The following CNTN4 variants were observed in gnomAD, a reference collection of about 807,000 sequenced individuals.
The protein encoded by CNTN4 is contactin 4, also known as contactin-4.
In CNTN4, 77 loss-of-function variants were observed where a neutral mutation model predicts 122.5. That is an observed-to-expected ratio of 0.63 (90% CI 0.52 to 0.76). The LOEUF (loss-of-function observed/expected upper bound fraction) is 0.76, where lower values mean the gene tolerates loss of function less well. Ranked by LOEUF, CNTN4 falls within the 30% of genes least tolerant of loss-of-function variation. The pLI, the probability that CNTN4 is intolerant of heterozygous loss-of-function variation, is 0.00. For missense variants in CNTN4, 1,256 were observed against 1,259.1 expected, an observed-to-expected ratio of 1.00 and a Z score of 0.04; for synonymous variants, 512 against 447.0, an observed-to-expected ratio of 1.15 and a Z score of -1.83.
At chr3:2,981,246 C>A (rs1034983271) in intron 13 of CNTN4, among the ~76,000 whole-genome samples, 1 of 152,058 alleles carries the variant, frequency 6.6e-6, no homozygotes, top group African/African-American at 2.4e-5. Context: ...AGATCGAGAC[C>A]ATCCTGGCTA....
At chr3:2,781,776 G>C (rs1436638366) in intron 6 of CNTN4, among the ~76,000 whole-genome samples, 1 of 135,750 alleles carries the variant, frequency 7.4e-6, no homozygotes, top group Non-Finnish European at 1.5e-5. Context: ...CCAGGCTGGA[G>C]GGCAGTAGCG....
intron 3 of CNTN4, among the ~76,000 whole-genome samples, chr3:2,554,504 A>G (rs1009108689): frequency 8.5e-5 from 13 of 152,132 alleles, no homozygotes; most frequent in African/African-American, 3.1e-4. Context: ...ATTTTGTTAT[A>G]CCCAGAGAAG....
At chr3:2,198,704 C>A (rs1231250308) in intron 2 of CNTN4, among the ~76,000 whole-genome samples, 2 of 152,132 alleles carry the variant, frequency 1.3e-5, no homozygotes, top group Non-Finnish European at 2.9e-5. Flanking sequence ...ATACTCGAGA[C>A]TTAATCTGCT....
At chr3:2,933,150 A>G (rs1391037922) in intron 13 of CNTN4, among the ~76,000 whole-genome samples, 2 of 152,106 alleles carry the variant, frequency 1.3e-5, no homozygotes, top group Admixed American at 1.3e-4. Flanking sequence ...TGAGGCTGTG[A>G]TCGGCCTCAG....
rs1273033770 is a variant in CNTN4 at position 2,709,015 on chromosome 3, C to G, written c.56-27200C>G. 2.0e-5 allele frequency among the ~76,000 whole-genome samples: 3 copies of G among 152,112 alleles called. No homozygotes were observed. The highest frequency in any genetic ancestry group is 4.4e-5 in the Non-Finnish European group (3 of 68,022). ...TTTTAATGGGCGTTGCTACTTGGAT[C>G]TTCAGAATACATGATATATCTCTTC... On this transcript the variant is annotated intron_variant, in intron 4 of 24. Transcript: ENST00000418658. The surrounding 1 kb of genome is among the most constrained non-coding windows in gnomAD (Gnocchi z 5.0).
At chr3:2,127,650 A>G (rs1433872471) in intron 2 of CNTN4, among the ~76,000 whole-genome samples, 2 of 108,478 alleles carry the variant, frequency 1.8e-5, no homozygotes, top group Non-Finnish European at 4.3e-5. Context: ...CCCACCCATT[A>G]CAGAAGGATC....
At chr3:2,420,204 C>G (rs2047563429) in intron 3 of CNTN4, among the ~76,000 whole-genome samples, 1 of 152,150 alleles carries the variant, frequency 6.6e-6, no homozygotes, top group African/African-American at 2.4e-5. Flanking sequence ...TTCCTCAGCA[C>G]TTTTTCCAAA....
chr3:2,376,621 T>A (rs1471943754), intron 3 of CNTN4, among the ~76,000 whole-genome samples: 4 of 151,256 alleles, frequency 2.6e-5, no homozygotes, highest in South Asian at 2.1e-4. Flanking sequence ...CTTGAGGATT[T>A]CCCAGTTCTC....
chr3:2,398,472 T>G (rs1318502947), intron 3 of CNTN4, among the ~76,000 whole-genome samples: 1 of 152,142 alleles, frequency 6.6e-6, no homozygotes, highest in Non-Finnish European at 1.5e-5. Context: ...TATAAAAAAT[T>G]AATACTTTTC....
At chr3:2,164,688 T>G (rs957144028) in intron 2 of CNTN4, among the ~76,000 whole-genome samples, 29 of 152,308 alleles carry the variant, frequency 1.9e-4, no homozygotes, top group African/African-American at 6.5e-4. Context: ...GTTTCTCATC[T>G]GCCACAGAAA....
intron 2 of CNTN4, among the ~76,000 whole-genome samples, chr3:2,251,390 T>C (rs1011303808): frequency 5.3e-5 from 8 of 151,968 alleles, no homozygotes; most frequent in African/African-American, 1.7e-4. Context: ...TTCTAATTTT[T>C]GTGTTCTCAT....
intron 13 of CNTN4, among the ~76,000 whole-genome samples, chr3:2,927,013 C>A (rs545908558): frequency 4.6e-4 from 70 of 152,104 alleles, no homozygotes; most frequent in African/African-American, 1.7e-3. Context: ...AAATGTGGCA[C>A]GTGAGATTAC....
intron 3 of CNTN4, among the ~76,000 whole-genome samples, chr3:2,412,076 C>T (rs761363837): frequency 9.9e-5 from 15 of 152,168 alleles, no homozygotes; most frequent in East Asian, 3.9e-4. Flanking sequence ...TCCAAAAGTA[C>T]GTACTGTTTT....
intron 4 of CNTN4, among the ~76,000 whole-genome samples, chr3:2,587,506 C>A (rs911953679): frequency 1.3e-5 from 2 of 152,116 alleles, no homozygotes; most frequent in African/African-American, 4.8e-5. Context: ...TTCTTGGATA[C>A]CGTCTTTGGG....
chr3:2,252,676 T>G (rs1044169720), intron 2 of CNTN4, among the ~76,000 whole-genome samples: 2 of 152,104 alleles, frequency 1.3e-5, no homozygotes, highest in Admixed American at 1.3e-4. Flanking sequence ...ACTATGAAAC[T>G]TAACTCACAC....
In CNTN4 at chr3:2,807,329, G is replaced by A. The variant is rs541637922; in HGVS notation, c.359-12157G>A. 1.4e-4 allele frequency among the ~76,000 whole-genome samples: 21 copies of A among 152,266 alleles called. 1 individual carries two copies. Among genetic ancestry groups the A allele is most frequent in the South Asian group, 6.2e-4 (3 of 4,828 alleles). ...ATCTAAATCGATGATGAATGAACAC[G>A]TAGCTTGCGTGTATATTTGACGATG... On this transcript the variant is annotated intron_variant, in intron 6 of 24. Transcript: ENST00000418658.
At chr3:2,588,449 C>G (rs969879366) in intron 4 of CNTN4, among the ~76,000 whole-genome samples, 9 of 150,798 alleles carry the variant, frequency 6.0e-5, no homozygotes, top group African/African-American at 9.8e-5. Flanking sequence ...TCACTGCAAC[C>G]TCTGCCTCCC....
At chr3:2,675,247 C>T (rs2084780370) in intron 4 of CNTN4, among the ~76,000 whole-genome samples, 1 of 152,002 alleles carries the variant, frequency 6.6e-6, no homozygotes, top group African/African-American at 2.4e-5. Flanking sequence ...CCTTCCATCT[C>T]CTCTCTTATC....
intron 2 of CNTN4, among the ~76,000 whole-genome samples, chr3:2,271,688 G>A (rs1419126991): frequency 2.0e-5 from 3 of 152,038 alleles, no homozygotes; most frequent in African/African-American, 7.2e-5. Context: ...TCTGGGTGTG[G>A]TCACTGATAT....
Sources: gnomAD v4.1 joint callset for allele counts (sites outside exome capture counted in the v4.1 genomes callset) on GRCh38, gnomAD v4.1.1 for gene constraint, Gnocchi (gnomAD v3.1) non-coding constraint, MANE v1.5 for transcripts, NCBI Gene and HGNC (gene_info 2026-07-23, HGNC 2026-07-21) for gene names.